The following BLM variants were observed in gnomAD, a reference collection of about 807,000 sequenced individuals.
BLM encodes BLM RecQ like helicase, also known as recQ-like DNA helicase BLM.
In BLM, 95 loss-of-function variants were observed where a neutral mutation model predicts 135.3. That is an observed-to-expected ratio of 0.70 (90% CI 0.59 to 0.83). The LOEUF is 0.83. Among genes scored for constraint, BLM ranks in the 40% least tolerant of loss-of-function variants. The pLI, the probability that BLM is intolerant of heterozygous loss-of-function variation, is 0.00. For missense variants in BLM, 1,518 were observed against 1,663.9 expected (o/e 0.91, Z 1.53); for synonymous variants, 520 against 589.2 (o/e 0.88, Z 1.70).
At chr15:90,740,314 A>G (rs181506036) in intron 1 of BLM, among the ~76,000 whole-genome samples, 9 of 152,328 alleles carry the variant, frequency 5.9e-5, no homozygotes, top group African/African-American at 2.2e-4. Flanking sequence ...TACATTTCAT[A>G]TAAATGGAAT....
At chr15:90,748,573 TG>T in intron 2 of BLM, among the ~76,000 whole-genome samples, 1 of 152,316 alleles carries the variant, frequency 6.6e-6, no homozygotes, top group South Asian at 2.1e-4. Context: ...GACTTTGTTC[TG>T]GGTGCCTGGC....
chr15:90,730,869 A>C (rs1361300543), intron 1 of BLM, among the ~76,000 whole-genome samples: 1 of 152,056 alleles, frequency 6.6e-6, no homozygotes, highest in Non-Finnish European at 1.5e-5. Context: ...GAATTATATT[A>C]ATTGATTTTT....
rs754931697 is a variant in BLM, at chr15:90,750,099, T to C, written c.799+32T>C. On this transcript the variant is annotated intron_variant, in intron 3 of 21. Transcript: ENST00000355112. ...ATTATTTTATCTTCATTTTAGTATGTTCATTGTACTTTTTTATTCAAAGCT... is the reference window on the plus strand; with the variant it reads ...ATTATTTTATCTTCATTTTAGTATGCTCATTGTACTTTTTTATTCAAAGCT... 17 of 1,602,186 alleles carry C rather than the reference T, an allele frequency of 1.1e-5. No homozygotes were observed. The African/African-American group carries it at 2.3e-4, about 21-fold the overall frequency.
At chr15:90,753,055 A>C (rs984416876) in intron 4 of BLM, among the ~76,000 whole-genome samples, 1 of 152,206 alleles carries the variant, frequency 6.6e-6, no homozygotes, top group Admixed American at 6.5e-5. Context: ...CATTTTAACA[A>C]GGATTCTAAA....
chr15:90,806,490 G>A (rs765971756), intron 19 of BLM, among the ~76,000 whole-genome samples: 2 of 142,030 alleles, frequency 1.4e-5, no homozygotes, highest in Admixed American at 7.4e-5. Flanking sequence ...CAGCCTGGGC[G>A]ACAGAGCGAG....
At chr15:90,810,632 C>T (rs754489133) in intron 20 of BLM, among the ~76,000 whole-genome samples, 1 of 152,110 alleles carries the variant, frequency 6.6e-6, no homozygotes, top group Non-Finnish European at 1.5e-5. Flanking sequence ...TGCTTTCATG[C>T]GGTCTCACCT....
At chr15:90,726,856 G>A (rs1049850610) in intron 1 of BLM, among the ~76,000 whole-genome samples, 29 of 152,046 alleles carry the variant, frequency 1.9e-4, no homozygotes, top group African/African-American at 6.0e-4. Context: ...GGTTGATTCC[G>A]TATCTTGGCT....
intron 12 of BLM, among the ~76,000 whole-genome samples, chr15:90,777,869 G>A (rs1452226447): frequency 1.3e-5 from 2 of 152,048 alleles, no homozygotes; most frequent in Non-Finnish European, 2.9e-5. Context: ...GTTTGTGCCC[G>A]GCTTCTTTCA....
At position 90,761,274 on chromosome 15, in the gene BLM, G is replaced by C; in HGVS notation, c.1882+19G>C. 6.8e-7 allele frequency: 1 copy of C among 1,466,864 alleles called. No individual in the cohort carries two copies. Among genetic ancestry groups the C allele is most frequent in the Non-Finnish European group, 9.1e-7 (1 of 1,099,644 alleles). The allele number at this position is 1,466,864 out of a possible 1,614,324, so 90.9% of individuals were successfully genotyped here. A position where few individuals can be genotyped will look rare whatever the true frequency, so the allele number is the denominator to read the frequency against. On this transcript the variant is annotated intron_variant, in intron 7 of 21. Coordinates refer to ENST00000355112, the MANE Select transcript of BLM (RefSeq NM_000057.4). Reference sequence around the variant, plus strand: ...TATACTGGTAAGTTTAAAATAAATTGAATGCTTATATGAAAACAAAACTGT... The same window carrying C: ...TATACTGGTAAGTTTAAAATAAATTCAATGCTTATATGAAAACAAAACTGT...
At chr15:90,764,595 C>T (rs1402036332) in intron 8 of BLM, among the ~76,000 whole-genome samples, 1 of 151,932 alleles carries the variant, frequency 6.6e-6, no homozygotes, top group Non-Finnish European at 1.5e-5. Flanking sequence ...AGCAGTCCAC[C>T]TGCCTCAGGC....
chr15:90,794,138 T>C, intron 15 of BLM, 29 bp from the exon 16 acceptor site: 4 of 1,516,224 alleles, frequency 2.6e-6, no homozygotes, highest in Non-Finnish European at 3.6e-6. Flanking sequence ...CCTATAAGTA[T>C]GTCTTACTAT....
At chr15:90,734,122 G>A (rs1237665432) in intron 1 of BLM, among the ~76,000 whole-genome samples, 1 of 151,924 alleles carries the variant, frequency 6.6e-6, no homozygotes, top group African/African-American at 2.4e-5. Flanking sequence ...ATGTATACCA[G>A]GAATGCAAAG....
At chr15:90,755,108 TG>T (rs1895784396) in intron 5 of BLM, 170 bp downstream of exon 5, 25 of 804,308 alleles carry the variant, frequency 3.1e-5, no homozygotes, top group Non-Finnish European at 4.8e-5. Flanking sequence ...AGCATTTGCC[TG>T]AACAACTCAT....
chr15:90,726,046 G>A (rs563178769), intron 1 of BLM, among the ~76,000 whole-genome samples: 1 of 152,128 alleles, frequency 6.6e-6, no homozygotes, highest in African/African-American at 2.4e-5. Flanking sequence ...AATTTATGGG[G>A]TACATAGTGA....
At position 90,751,905 on chromosome 15, in the gene BLM, A is replaced by G. The variant is rs760806762; in HGVS notation, c.918A>G (p.Glu306=). ...CGGATTTTGTTCCACCTTCTCCAGA[A>G]GAAATTATTTCTGCTTCTTCTTCCT... ...YDTDFVPPSP[E]EIISASSSSS... Residue 306 remains glutamate (E), a synonymous_variant, in exon 4 of 22, where the codon GAA becomes GAG. Transcript: ENST00000355112. The G allele has an allele frequency of 8.7e-6, 14 of 1,613,040 alleles. No homozygotes were observed. The highest frequency in any genetic ancestry group is 5.1e-6 in the Non-Finnish European group (6 of 1,179,224).
intron 1 of BLM, among the ~76,000 whole-genome samples, chr15:90,722,358 C>T (rs1322556981): frequency 4.6e-5 from 7 of 152,126 alleles, no homozygotes; most frequent in African/African-American, 1.7e-4. Flanking sequence ...ATCCACCCAC[C>T]TCGGCCTCCC....
rs766386787 is a variant in BLM, at chr15:90,751,906, G to T, written c.919G>T (p.Glu307Ter). 2 of 1,613,058 alleles carry T rather than the reference G, an allele frequency of 1.2e-6. No individual in the cohort carries two copies. The highest frequency in any genetic ancestry group is 1.7e-6 in the Non-Finnish European group (2 of 1,179,186). The change falls in exon 4 of 22, where the codon GAA (glutamate) becomes TAA (stop). Residue 307 changes from glutamate (E) to a stop codon, truncating the protein, a stop_gained. Coordinates refer to ENST00000355112, the MANE Select transcript of BLM (RefSeq NM_000057.4). LOFTEE classifies it high-confidence loss of function. ...GGATTTTGTTCCACCTTCTCCAGAA[G>T]AAATTATTTCTGCTTCTTCTTCCTC... The part of the protein sequence containing the change: ...DTDFVPPSPE[E>*]IISASSSSSK...
At chr15:90,754,787 G>A (rs1895772817) in intron 4 of BLM, 24 bp from the exon 5 acceptor site, 1 of 1,610,882 alleles carries the variant, frequency 6.2e-7, no homozygotes. Flanking sequence ...AGTATGATTG[G>A]CTTAACATTT....
At chr15:90,718,828 G>A (rs1894680488) in intron 1 of BLM, among the ~76,000 whole-genome samples, 1 of 152,172 alleles carries the variant, frequency 6.6e-6, no homozygotes, top group Non-Finnish European at 1.5e-5. Context: ...ACATCATCAT[G>A]CTGGGAAGTT....
Sources: gnomAD v4.1 joint callset for allele counts (sites outside exome capture counted in the v4.1 genomes callset) on GRCh38, gnomAD v4.1.1 for gene constraint, MANE v1.5 for transcripts, NCBI Gene and HGNC (gene_info 2026-07-23, HGNC 2026-07-21) for gene names.